The following TXNDC5 variants were observed in gnomAD, a reference collection of about 807,000 sequenced individuals.
The protein encoded by TXNDC5 is thioredoxin domain containing 5.
Under a neutral mutation model 52.6 loss-of-function variants are expected in TXNDC5, and 44 were observed. That is an observed-to-expected ratio of 0.84 (90% CI 0.66 to 1.08). TXNDC5 has a LOEUF of 1.08. TXNDC5 is among the 50% of genes least tolerant of loss of function. TXNDC5 has a pLI of 0.00. For synonymous variants in TXNDC5, 241 were observed against 234.4 expected (o/e 1.03, Z -0.26); for missense variants, 600 against 565.5 (o/e 1.06, Z -0.62).
intron 8 of TXNDC5, 67 bp downstream of exon 8, chr6:7,885,894 G>A: frequency 5.4e-6 from 8 of 1,473,596 alleles, no homozygotes; most frequent in Non-Finnish European, 7.5e-6. Flanking sequence ...GGTGGCAGAT[G>A]AGCTGAAAAA....
intron 7 of TXNDC5, among the ~76,000 whole-genome samples, chr6:7,886,257 C>T (rs1288911069): frequency 6.6e-6 from 1 of 152,176 alleles, no homozygotes; most frequent in African/African-American, 2.4e-5. Context: ...CAATGCAAGT[C>T]CCTGGGTCCC....
chr6:7,883,089 C>A lies in TXNDC5; in HGVS notation c.*55G>T. 5 of 1,610,736 alleles carry A rather than the reference C, an allele frequency of 3.1e-6. No individual in the cohort carries two copies. Among genetic ancestry groups the A allele is most frequent in the Non-Finnish European group, 4.2e-6 (5 of 1,177,964 alleles). ...ACCCAGTGGCCTCTGTGGGACTGAA[C>A]TCCTAAACGCAGGGTGCGGGAGCTG... is the stretch of plus-strand genomic sequence containing the variant. On this transcript the variant is annotated 3_prime_UTR_variant, in exon 10 of 10. Coordinates refer to ENST00000379757, the MANE Select transcript of TXNDC5 (RefSeq NM_030810.5).
intron 3 of TXNDC5, among the ~76,000 whole-genome samples, chr6:7,897,347 TC>T (rs1468385275): frequency 6.6e-6 from 1 of 152,148 alleles, no homozygotes; most frequent in East Asian, 1.9e-4. Flanking sequence ...TCTAAATTTA[TC>T]CCACGTGAAT....
rs1289854762 is a variant in TXNDC5, at chr6:7,884,413, G to A, written c.1122C>T (p.Val374=). 1 of 1,614,024 alleles carries A rather than the reference G, an allele frequency of 6.2e-7. No homozygotes were observed. The highest frequency in any genetic ancestry group is 8.5e-7 in the Non-Finnish European group (1 of 1,180,028). Residue 374 remains valine (V), a synonymous_variant, in exon 9 of 10, where the codon GTC becomes GTT. Coordinates refer to ENST00000379757, the MANE Select transcript of TXNDC5 (RefSeq NM_030810.5). Reference sequence around the variant, plus strand: ...CAGTGCAGTCTACTTCGGCGATCTTGACCCCCGCCAGACCAGGGAATTCCT... The same window carrying A: ...CAGTGCAGTCTACTTCGGCGATCTTAACCCCCGCCAGACCAGGGAATTCCT... The part of the protein sequence containing the change: ...SKKEFPGLAG[V]KIAEVDCTAE...
chr6:7,904,656 C>T lies in TXNDC5; in HGVS notation c.331G>A (p.Asp111Asn). The T allele has an allele frequency of 6.2e-7, 1 of 1,614,224 alleles. No individual in the cohort carries two copies. Among genetic ancestry groups the T allele is most frequent in the Non-Finnish European group, 8.5e-7 (1 of 1,180,038 alleles). Residue 111 changes from aspartate (D) to asparagine (N), a missense_variant, in exon 2 of 10, where the codon GAT becomes AAT. Coordinates refer to ENST00000379757, the MANE Select transcript of TXNDC5 (RefSeq NM_030810.5). ...ACTTTAGCCACATAGACTTTGGCAT[C>T]TTCCATGCTGTTGTATTTGTCTCCC... ...DLGDKYNSME[D>N]AKVYVAKVDC... is the part of the protein sequence containing the mutation.
intron 9 of TXNDC5, among the ~76,000 whole-genome samples, 186 bp downstream of exon 9, chr6:7,884,173 C>A (rs1021486194): frequency 2.0e-5 from 3 of 152,070 alleles, no homozygotes; most frequent in South Asian, 2.1e-4. Context: ...ACAAAGCGGG[C>A]GAAGAAGAAT....
chr6:7,891,748 A>G lies in TXNDC5; in HGVS notation c.617-12T>C, dbSNP rs1359349267. On this transcript the variant is annotated splice_polypyrimidine_tract_variant and intron_variant, in intron 4 of 9. Coordinates refer to ENST00000379757, the MANE Select transcript of TXNDC5 (RefSeq NM_030810.5). ...GATAAAGTGGTCGCCTGGAGTGGAGAGCCAAGGCAGAGACGGGGGAAAGAG... is the reference window on the plus strand; with the variant it reads ...GATAAAGTGGTCGCCTGGAGTGGAGGGCCAAGGCAGAGACGGGGGAAAGAG... 1 of 1,598,334 alleles carries G rather than the reference A, an allele frequency of 6.3e-7. No homozygotes were observed. The highest frequency in any genetic ancestry group is 8.6e-7 in the Non-Finnish European group (1 of 1,166,122).
At chr6:7,891,208 T>G (rs1196202664) in intron 5 of TXNDC5, among the ~76,000 whole-genome samples, 3 of 152,108 alleles carry the variant, frequency 2.0e-5, no homozygotes, top group African/African-American at 7.2e-5. Context: ...CAGTGCAAAC[T>G]GAGGGAGGGT....
intron 3 of TXNDC5, among the ~76,000 whole-genome samples, chr6:7,895,614 G>A (rs1442811344): frequency 6.6e-6 from 1 of 152,198 alleles, no homozygotes; most frequent in Non-Finnish European, 1.5e-5. Flanking sequence ...ATTCTGAAGG[G>A]GTCAGCACTT....
At chr6:7,897,016 A>AG (rs952498167) in intron 3 of TXNDC5, among the ~76,000 whole-genome samples, 11 of 152,104 alleles carry the variant, frequency 7.2e-5, no homozygotes, top group Admixed American at 3.3e-4. Context: ...ACTCAAAAGA[A>AG]GGGGGGGTGG....
At chr6:7,907,028 A>G (rs777574819) in intron 1 of TXNDC5, among the ~76,000 whole-genome samples, 11 of 152,338 alleles carry the variant, frequency 7.2e-5, no homozygotes, top group Non-Finnish European at 1.3e-4. Flanking sequence ...GGCGGTGTCC[A>G]ACAAGGCACC....
chr6:7,899,478 AC>A (rs759951343), intron 3 of TXNDC5, 97 bp downstream of exon 3: 67 of 742,736 alleles, frequency 9.0e-5, no homozygotes, highest in Non-Finnish European at 1.3e-4. Context: ...TTAATCATTA[AC>A]CTCAACTGGC....
intron 7 of TXNDC5, among the ~76,000 whole-genome samples, chr6:7,887,439 G>A (rs944383381): frequency 8.0e-6 from 1 of 125,532 alleles, no homozygotes; most frequent in African/African-American, 2.8e-5. Flanking sequence ...CCCCGCCCCT[G>A]TGCTGGGTAC....
At chr6:7,892,462 AC>A (rs1157386982) in intron 4 of TXNDC5, among the ~76,000 whole-genome samples, 2 of 152,268 alleles carry the variant, frequency 1.3e-5, no homozygotes, top group Non-Finnish European at 2.9e-5. Context: ...ATAAACACAT[AC>A]ACATATAGAA....
At chr6:7,904,519 CTT>C in intron 2 of TXNDC5, 53 bp downstream of exon 2, 3 of 1,596,766 alleles carry the variant, frequency 1.9e-6, no homozygotes, top group Non-Finnish European at 2.6e-6. Flanking sequence ...TTAACTAGGA[CTT>C]TCTTTGTAGC....
Position 7,889,565 on chromosome 6 carries a change from T to C in TXNDC5, c.749A>G (p.His250Arg), listed in dbSNP as rs772346281. The C allele has an allele frequency of 1.9e-6, 3 of 1,612,490 alleles. No individual in the cohort carries two copies. In the South Asian group the frequency reaches 3.3e-5, roughly 18 times the overall value. Residue 250 changes from histidine to arginine, a missense_variant, in exon 6 of 10, where the codon CAC (histidine) becomes CGC (arginine). Coordinates refer to ENST00000379757, the MANE Select transcript of TXNDC5 (RefSeq NM_030810.5). Reference protein sequence around the residue: ...VKIGKVDCTQHYELCSGNQVR... With the variant: ...VKIGKVDCTQRYELCSGNQVR... The stretch of plus-strand genomic sequence containing the variant: ...CTGGTTTCCGGAGCAGAGTTCATAG[T>C]GCTGTGTACAATCAACCTGAGAATA...
chr6:7,907,887 C>T (rs1760787492), intron 1 of TXNDC5, among the ~76,000 whole-genome samples: 1 of 152,212 alleles, frequency 6.6e-6, no homozygotes, highest in Non-Finnish European at 1.5e-5. Flanking sequence ...AGCCCTACTG[C>T]AGTATCTGCA....
At chr6:7,890,674 C>T (rs1205145002) in intron 5 of TXNDC5, among the ~76,000 whole-genome samples, 1 of 152,076 alleles carries the variant, frequency 6.6e-6, no homozygotes, top group African/African-American at 2.4e-5. Context: ...TATATATTAT[C>T]GTAAGCGTTT....
chr6:7,886,119 ACAC>A (rs1759971649), intron 7 of TXNDC5, 76 bp from the exon 8 acceptor site: 61 of 1,298,818 alleles, frequency 4.7e-5, no homozygotes, highest in Non-Finnish European at 6.5e-5. Flanking sequence ...GATTGCAGAT[ACAC>A]GAATCAGTAA....
Sources: allele counts gnomAD v4.1 joint callset (sites outside exome capture counted in the v4.1 genomes callset), GRCh38; gene constraint gnomAD v4.1.1; transcripts MANE v1.5; gene names NCBI Gene and HGNC (gene_info 2026-07-23, HGNC 2026-07-21).